Variants in NEBL observed in about 807,000 individuals in gnomAD.
The protein encoded by NEBL is nebulette.
A neutral mutation model predicts 140.2 loss-of-function variants in NEBL; 122 were observed. The ratio of observed to expected loss-of-function variants is 0.87; its 90% CI spans 0.75 to 1.01. The LOEUF is 1.01. NEBL is among the 50% of genes least tolerant of loss of function. NEBL has a pLI of 0.00. For synonymous variants in NEBL, 436 were observed against 398.9 expected (o/e 1.09, Z -1.11); for missense variants, 1,365 against 1,231.3 (o/e 1.11, Z -1.62).
At chr10:20,801,225 T>C (rs1837092154) in intron 26 of NEBL, among the ~76,000 whole-genome samples, 1 of 151,826 alleles carries the variant, frequency 6.6e-6, no homozygotes, top group Admixed American at 6.6e-5. Flanking sequence ...TTTTTTATTT[T>C]CTTTTGAGGC....
At chr10:20,961,893 A>C in intron 3 of NEBL, 4 of 773,128 alleles carry the variant, frequency 5.2e-6, no homozygotes, top group South Asian at 1.5e-5. Context: ...CACAGATCTC[A>C]GCCGGAGGTG....
chr10:20,947,663 G>C (rs761699830), intron 4 of NEBL, among the ~76,000 whole-genome samples: 4 of 149,222 alleles, frequency 2.7e-5, no homozygotes, highest in Non-Finnish European at 5.9e-5. Context: ...CACAGCCATT[G>C]ACATTTTTAC....
intron 3 of NEBL, among the ~76,000 whole-genome samples, chr10:21,239,248 C>CT (rs952993312): frequency 8.1e-5 from 12 of 148,686 alleles, no homozygotes; most frequent in Admixed American, 3.4e-4. Flanking sequence ...GTGCATTTTA[C>CT]TTTTTTTTTT....
At chr10:20,834,896 G>T (rs10128495) in intron 14 of NEBL, among the ~76,000 whole-genome samples, 62,133 of 152,018 alleles carry the variant, frequency 0.41, 13,630 homozygotes, top group African/African-American at 0.57. Context: ...GTGATACCCA[G>T]CCTGTCACAG....
chr10:21,037,835 T>A (rs1043258170), intron 2 of NEBL, among the ~76,000 whole-genome samples: 1 of 146,546 alleles, frequency 6.8e-6, no homozygotes, highest in Non-Finnish European at 1.5e-5. Flanking sequence ...ATAGACAAAA[T>A]GAGAGAAAAG....
At chr10:20,863,664 G>T (rs1352598814) in intron 7 of NEBL, among the ~76,000 whole-genome samples, 2 of 152,120 alleles carry the variant, frequency 1.3e-5, no homozygotes, top group East Asian at 1.9e-4. Context: ...GTTTAACCAG[G>T]CTCCATACAC....
chr10:20,953,528 T>G (rs7899344), intron 4 of NEBL, among the ~76,000 whole-genome samples: 122 of 96,664 alleles, frequency 1.3e-3, no homozygotes, highest in Middle Eastern at 5.6e-3. Flanking sequence ...TTTTTTTTTT[T>G]GTAGGCTCTT....
chr10:21,284,789 C>T (rs1785552797), intron 1 of NEBL, among the ~76,000 whole-genome samples: 1 of 152,164 alleles, frequency 6.6e-6, no homozygotes, highest in Admixed American at 6.5e-5. Context: ...GACATGAAAA[C>T]CCATCATATT....
intron 3 of NEBL, among the ~76,000 whole-genome samples, chr10:21,234,243 T>C (rs983880044): frequency 4.6e-5 from 7 of 152,090 alleles, no homozygotes; most frequent in African/African-American, 1.7e-4. Context: ...TGTTGAAATG[T>C]AATCCCCGGT....
At chr10:20,947,110 T>A (rs1835202929) in intron 4 of NEBL, among the ~76,000 whole-genome samples, 1 of 152,230 alleles carries the variant, frequency 6.6e-6, no homozygotes. Flanking sequence ...AGTCCTTTTT[T>A]GAATACACCT....
intron 26 of NEBL, among the ~76,000 whole-genome samples, chr10:20,803,749 AAG>A (rs1837341578): frequency 6.6e-6 from 1 of 150,704 alleles, no homozygotes; most frequent in Non-Finnish European, 1.5e-5. Flanking sequence ...ACACATTTCA[AAG>A]GGGACCCTAA....
At chr10:20,848,342 G>C (rs751040576) in intron 11 of NEBL, among the ~76,000 whole-genome samples, 3 of 152,162 alleles carry the variant, frequency 2.0e-5, no homozygotes, top group South Asian at 2.1e-4. Context: ...TCTGAACTTT[G>C]ACCAAATTCA....
At chr10:20,949,707 T>C (rs1452225284) in intron 4 of NEBL, among the ~76,000 whole-genome samples, 4 of 152,234 alleles carry the variant, frequency 2.6e-5, no homozygotes, top group Non-Finnish European at 5.9e-5. Flanking sequence ...ATGTTTTATA[T>C]AGAATACTGT....
chr10:20,844,783 A>T (rs1159726079), intron 12 of NEBL, among the ~76,000 whole-genome samples: 2 of 152,080 alleles, frequency 1.3e-5, no homozygotes, highest in African/African-American at 4.8e-5. Flanking sequence ...CTTATTTCTG[A>T]TATCAAATGT....
At chr10:21,034,014 A>G (rs1291956716) in intron 2 of NEBL, among the ~76,000 whole-genome samples, 2 of 151,752 alleles carry the variant, frequency 1.3e-5, no homozygotes, top group East Asian at 1.9e-4. Flanking sequence ...AAAAAATACA[A>G]AAATTAGCTG....
intron 2 of NEBL, among the ~76,000 whole-genome samples, chr10:21,031,857 TA>T (rs1233056219): frequency 1.3e-5 from 2 of 152,176 alleles, no homozygotes; most frequent in Non-Finnish European, 2.9e-5. Flanking sequence ...TTATTCCCTA[TA>T]AAAAAATTTT....
intron 3 of NEBL, among the ~76,000 whole-genome samples, chr10:21,018,679 T>C (rs1244030796): frequency 6.6e-6 from 1 of 152,082 alleles, no homozygotes; most frequent in Non-Finnish European, 1.5e-5. Context: ...TGTGATTAGA[T>C]ACACCATCAA....
At chr10:21,227,123 CT>C (rs376192732) in intron 3 of NEBL, among the ~76,000 whole-genome samples, 2,027 of 151,978 alleles carry the variant, frequency 0.013, 36 homozygotes, top group Non-Finnish European at 0.022. Context: ...TAGATTTAAG[CT>C]TTTTTCCCCC....
intron 26 of NEBL, among the ~76,000 whole-genome samples, chr10:20,796,239 C>G (rs12359172): frequency 1.1e-4 from 16 of 151,398 alleles, no homozygotes; most frequent in Non-Finnish European, 1.0e-4. Flanking sequence ...GGTGGGCGCC[C>G]GTTATCCCAG....
Sources: gnomAD v4.1 joint callset for allele counts (sites outside exome capture counted in the v4.1 genomes callset) on GRCh38, gnomAD v4.1.1 for gene constraint, MANE v1.5 for transcripts, NCBI Gene and HGNC (gene_info 2026-07-23, HGNC 2026-07-21) for gene names.